LHFPL6: variants seen among roughly 807,000 people sequenced by gnomAD.
The protein encoded by LHFPL6 is LHFPL tetraspan subfamily member 6, also known as LHFPL tetraspan subfamily member 6 protein.
A neutral mutation model predicts 20.6 loss-of-function variants in LHFPL6; 9 were observed. That is an observed-to-expected ratio of 0.44 (90% CI 0.26 to 0.76). LHFPL6 has a LOEUF of 0.76. Ranked by LOEUF, LHFPL6 falls within the 30% of genes least tolerant of loss-of-function variation. The pLI, the probability that LHFPL6 is intolerant of heterozygous loss-of-function variation, is 0.20. For missense variants in LHFPL6, 218 were observed against 253.5 expected, an observed-to-expected ratio of 0.86 and a Z score of 0.95; for synonymous variants, 105 against 98.7, an observed-to-expected ratio of 1.06 and a Z score of -0.38.
At chr13:39,429,185 T>G (rs1871723618) in intron 2 of LHFPL6, among the ~76,000 whole-genome samples, 3 of 148,208 alleles carry the variant, frequency 2.0e-5, no homozygotes, top group Non-Finnish European at 4.5e-5. Context: ...ATATCCTTAC[T>G]GTTTTTTTTT....
At chr13:39,363,098 A>G (rs1328850539) in intron 3 of LHFPL6, among the ~76,000 whole-genome samples, 1 of 152,212 alleles carries the variant, frequency 6.6e-6, no homozygotes, top group Non-Finnish European at 1.5e-5. Flanking sequence ...AGGATTTTAT[A>G]CAAGCAAAGC....
intron 2 of LHFPL6, among the ~76,000 whole-genome samples, chr13:39,473,122 C>T (rs541798907): frequency 1.3e-5 from 2 of 151,938 alleles, no homozygotes; most frequent in South Asian, 2.1e-4. Context: ...TATGCAAGCT[C>T]GGGTTGGAGG....
chr13:39,602,041 T>C (rs1408646318), intron 1 of LHFPL6, among the ~76,000 whole-genome samples: 1 of 152,180 alleles, frequency 6.6e-6, no homozygotes, highest in East Asian at 1.9e-4. Context: ...TTATTTTGAG[T>C]CTGCAGTTTT....
At chr13:39,441,439 A>C (rs898706096) in intron 2 of LHFPL6, among the ~76,000 whole-genome samples, 21 of 152,232 alleles carry the variant, frequency 1.4e-4, no homozygotes, top group African/African-American at 5.1e-4. Context: ...TGGAGAAAAA[A>C]GTCTACCGCC....
At chr13:39,507,052 T>C (rs1869510282) in intron 2 of LHFPL6, among the ~76,000 whole-genome samples, 1 of 152,230 alleles carries the variant, frequency 6.6e-6, no homozygotes, top group Non-Finnish European at 1.5e-5. Flanking sequence ...CTGTTCGGGT[T>C]ATCCAAGCAA....
At chr13:39,473,083 A>G (rs1308839753) in intron 2 of LHFPL6, among the ~76,000 whole-genome samples, 1 of 152,096 alleles carries the variant, frequency 6.6e-6, no homozygotes, top group African/African-American at 2.4e-5. Flanking sequence ...TGGAGCACTC[A>G]CAGAACCCTC....
At chr13:39,402,179 G>C (rs1404417290) in intron 2 of LHFPL6, among the ~76,000 whole-genome samples, 6 of 152,120 alleles carry the variant, frequency 3.9e-5, no homozygotes. Context: ...TCTATAAAAT[G>C]TAAGTTAATT....
At chr13:39,450,247 C>A (rs1372964813) in intron 2 of LHFPL6, among the ~76,000 whole-genome samples, 1 of 152,100 alleles carries the variant, frequency 6.6e-6, no homozygotes, top group African/African-American at 2.4e-5. Flanking sequence ...AATAGAAAAT[C>A]TGTCAAAACT....
intron 3 of LHFPL6, among the ~76,000 whole-genome samples, chr13:39,350,822 T>G (rs1288394604): frequency 6.6e-6 from 1 of 152,188 alleles, no homozygotes; most frequent in Non-Finnish European, 1.5e-5. Context: ...AAAAAGACTG[T>G]GGCGGAATTC....
chr13:39,504,808 G>C (rs138872679), intron 2 of LHFPL6, among the ~76,000 whole-genome samples: 2 of 152,306 alleles, frequency 1.3e-5, no homozygotes, highest in African/African-American at 4.8e-5. Context: ...TAGTACTTAT[G>C]CTCAGGAATA....
At chr13:39,560,683 TTC>T (rs1290612694) in intron 2 of LHFPL6, among the ~76,000 whole-genome samples, 1 of 151,430 alleles carries the variant, frequency 6.6e-6, no homozygotes. Context: ...CCCGGCTAAT[TTC>T]TTTTTGTATT....
At chr13:39,520,912 T>C (rs539370401) in intron 2 of LHFPL6, among the ~76,000 whole-genome samples, 1 of 152,272 alleles carries the variant, frequency 6.6e-6, no homozygotes, top group African/African-American at 2.4e-5. Context: ...GATTTCATTG[T>C]GCAACCAAGG....
chr13:39,515,820 G>C (rs1392071968), intron 2 of LHFPL6, among the ~76,000 whole-genome samples: 1 of 152,086 alleles, frequency 6.6e-6, no homozygotes, highest in East Asian at 1.9e-4. Flanking sequence ...TATTAACTAA[G>C]AGAGGAGGCC....
chr13:39,519,800 A>G (rs1321797141), intron 2 of LHFPL6, among the ~76,000 whole-genome samples: 1 of 152,226 alleles, frequency 6.6e-6, no homozygotes, highest in Non-Finnish European at 1.5e-5. Context: ...TCTAGAAGAC[A>G]AATGAGGTAA....
intron 2 of LHFPL6, among the ~76,000 whole-genome samples, chr13:39,465,867 C>T (rs1482524155): frequency 6.6e-6 from 1 of 152,034 alleles, no homozygotes; most frequent in African/African-American, 2.4e-5. Context: ...CTAGCAGCAG[C>T]TAGCAATGAC....
chr13:39,439,350 T>C (rs965365215), intron 2 of LHFPL6, among the ~76,000 whole-genome samples: 1 of 152,186 alleles, frequency 6.6e-6, no homozygotes, highest in Non-Finnish European at 1.5e-5. Flanking sequence ...ATATCCTCAT[T>C]GTATCTAGGG....
At chr13:39,600,499 T>C (rs1872901552) in intron 2 of LHFPL6, among the ~76,000 whole-genome samples, 1 of 152,236 alleles carries the variant, frequency 6.6e-6, no homozygotes, top group South Asian at 2.1e-4. Flanking sequence ...GATAATCTAA[T>C]TGTCTATTGT....
chr13:39,400,708 G>A (rs1463707615), intron 2 of LHFPL6, among the ~76,000 whole-genome samples: 21 of 145,984 alleles, frequency 1.4e-4, no homozygotes, highest in South Asian at 4.4e-4. Flanking sequence ...GCGTGAACCC[G>A]GGAGGCGGAG....
intron 2 of LHFPL6, among the ~76,000 whole-genome samples, chr13:39,565,506 G>T (rs1261949639): frequency 6.6e-6 from 1 of 152,294 alleles, no homozygotes; most frequent in East Asian, 1.9e-4. Context: ...CAGAAAACAA[G>T]CTGCTGAATG....
Sources: allele counts gnomAD v4.1 joint callset (sites outside exome capture counted in the v4.1 genomes callset), GRCh38; gene constraint gnomAD v4.1.1; transcripts MANE v1.5; gene names NCBI Gene and HGNC (gene_info 2026-07-23, HGNC 2026-07-21).